GRAP2: variants seen among roughly 807,000 people sequenced by gnomAD.
GRAP2 encodes the protein GRB2-related adapter protein 2.
In GRAP2, 31 loss-of-function variants were observed where a neutral mutation model predicts 43.5. The ratio of observed to expected loss-of-function variants is 0.71; its 90% CI spans 0.54 to 0.96. The LOEUF is 0.96. Among genes scored for constraint, GRAP2 ranks in the 40% least tolerant of loss-of-function variants. The probability of loss-of-function intolerance (pLI) is 0.00; values close to 1 mark genes in which losing one functional copy is unlikely to be tolerated. For missense variants in GRAP2, 371 were observed against 424.4 expected (o/e 0.87, Z 1.11); for synonymous variants, 156 against 164.8 (o/e 0.95, Z 0.41).
intron 1 of GRAP2, among the ~76,000 whole-genome samples, chr22:39,927,713 G>A (rs1001833707): frequency 1.3e-5 from 2 of 151,906 alleles, no homozygotes; most frequent in South Asian, 2.1e-4. Context: ...GGCCATTTCC[G>A]GGGCCAAGTT....
At chr22:39,933,749 G>A (rs570923403) in intron 1 of GRAP2, among the ~76,000 whole-genome samples, 2 of 151,974 alleles carry the variant, frequency 1.3e-5, no homozygotes, top group East Asian at 3.9e-4. Context: ...GCTGAGGCAG[G>A]AGAATCTCTT....
chr22:39,968,888 A>G (rs570599361), intron 6 of GRAP2, among the ~76,000 whole-genome samples: 2 of 152,226 alleles, frequency 1.3e-5, no homozygotes, highest in East Asian at 3.9e-4. Flanking sequence ...AGTTACCCGA[A>G]TGGTCCATTG....
At chr22:39,915,406 C>T (rs2066596020) in intron 1 of GRAP2, among the ~76,000 whole-genome samples, 1 of 151,514 alleles carries the variant, frequency 6.6e-6, no homozygotes, top group Non-Finnish European at 1.5e-5. Flanking sequence ...CCTTGCTCCA[C>T]CTTCTGCTTT....
chr22:39,958,726 C>A (rs528395986), intron 3 of GRAP2, among the ~76,000 whole-genome samples: 2 of 152,314 alleles, frequency 1.3e-5, no homozygotes, highest in South Asian at 4.1e-4. Flanking sequence ...GTTTCCTTTG[C>A]GATATGGCTG....
chr22:39,940,387 T>G (rs558845926), intron 1 of GRAP2, among the ~76,000 whole-genome samples: 99 of 151,290 alleles, frequency 6.5e-4, no homozygotes, highest in South Asian at 3.8e-3. Flanking sequence ...TTGTTTGTTT[T>G]TTTTTTTTTT....
At chr22:39,925,662 C>T (rs868571750) in intron 1 of GRAP2, among the ~76,000 whole-genome samples, 2 of 152,200 alleles carry the variant, frequency 1.3e-5, no homozygotes, top group African/African-American at 2.4e-5. Context: ...TTGAGGTGTG[C>T]GTGTGCCAAT....
Position 39,969,541 on chromosome 22 carries a change from A to T in GRAP2, c.813+8A>T. 1 of 1,613,610 alleles carries T rather than the reference A, an allele frequency of 6.2e-7. No homozygotes were observed. Among genetic ancestry groups the T allele is most frequent in the Non-Finnish European group, 8.5e-7 (1 of 1,179,654 alleles). On this transcript the variant is annotated splice_region_variant and intron_variant, in intron 7 of 7. Coordinates refer to ENST00000344138, the MANE Select transcript of GRAP2 (RefSeq NM_004810.4). ...CAGCTCCAGGCGGCAGGGGTATGGG[A>T]ACTGTCCTTCTCTGGGATCCCTGGG...
At chr22:39,962,282 T>G (rs2067127594) in intron 4 of GRAP2, among the ~76,000 whole-genome samples, 1 of 152,006 alleles carries the variant, frequency 6.6e-6, no homozygotes, top group African/African-American at 2.4e-5. Flanking sequence ...ATTAACCCAG[T>G]GCAGTGGCGC....
intron 1 of GRAP2, among the ~76,000 whole-genome samples, chr22:39,939,841 G>A: frequency 6.6e-6 from 1 of 152,102 alleles, no homozygotes; most frequent in Non-Finnish European, 1.5e-5. Flanking sequence ...CCTGGGAGGT[G>A]GAGGTTGCAG....
chr22:39,942,047 C>T (rs2145626920), intron 1 of GRAP2, among the ~76,000 whole-genome samples: 2 of 152,250 alleles, frequency 1.3e-5, no homozygotes, highest in Middle Eastern at 6.8e-3. Flanking sequence ...ATTTGCATAA[C>T]AAATTTTCCT....
At chr22:39,956,626 A>G (rs1601732064) in intron 3 of GRAP2, among the ~76,000 whole-genome samples, 2 of 150,508 alleles carry the variant, frequency 1.3e-5, no homozygotes, top group East Asian at 4.3e-4. Context: ...ATGCCACCAC[A>G]CCCAGCTAAC....
intron 1 of GRAP2, chr22:39,926,929 C>T (rs1569198346): frequency 2.6e-6 from 2 of 778,938 alleles, no homozygotes; most frequent in Non-Finnish European, 3.1e-6. Flanking sequence ...AGCTGCCACC[C>T]ACTGCCTGGC....
At chr22:39,912,821 TC>T (rs1354453088) in intron 1 of GRAP2, among the ~76,000 whole-genome samples, 1 of 151,370 alleles carries the variant, frequency 6.6e-6, no homozygotes, top group Non-Finnish European at 1.5e-5. Flanking sequence ...GAATGGAAAA[TC>T]CAGCCACAGA....
At chr22:39,949,249 A>G (rs1054702461) in intron 2 of GRAP2, among the ~76,000 whole-genome samples, 1 of 152,058 alleles carries the variant, frequency 6.6e-6, no homozygotes, top group South Asian at 2.1e-4. Flanking sequence ...ATTATCATCA[A>G]TGCCTCCTTT....
chr22:39,963,729 C>T (rs554041974), intron 4 of GRAP2, among the ~76,000 whole-genome samples: 5 of 152,280 alleles, frequency 3.3e-5, no homozygotes, highest in African/African-American at 1.2e-4. Flanking sequence ...CCCTAAGAAA[C>T]CTCCATGGTC....
intron 2 of GRAP2, among the ~76,000 whole-genome samples, chr22:39,951,510 T>C (rs2066981966): frequency 6.6e-6 from 1 of 152,204 alleles, no homozygotes; most frequent in Admixed American, 6.5e-5. Flanking sequence ...ATTTAAAAAT[T>C]CTTCCAGCCG....
upstream of GRAP2, among the ~76,000 whole-genome samples, chr22:39,900,470 TA>T (rs896936108): frequency 1.0e-3 from 157 of 152,246 alleles, 2 homozygotes; most frequent in Middle Eastern, 0.014. Context: ...GCAGTTGATA[TA>T]GGGGGAAGGG....
intron 1 of GRAP2, among the ~76,000 whole-genome samples, chr22:39,935,210 C>T (rs1488957962): frequency 6.6e-6 from 1 of 152,100 alleles, no homozygotes; most frequent in Non-Finnish European, 1.5e-5. Flanking sequence ...TTCTTTCATT[C>T]TTTCTTTTTC....
chr22:39,960,981 T>C (rs187826840), intron 4 of GRAP2: 2 of 143,434 alleles, frequency 1.4e-5, no homozygotes, highest in Admixed American at 1.4e-4. Flanking sequence ...TGGAGACAGC[T>C]GTTGCCCAGG....
Sources: gnomAD v4.1 joint callset for allele counts (sites outside exome capture counted in the v4.1 genomes callset) on GRCh38, gnomAD v4.1.1 for gene constraint, MANE v1.5 for transcripts, NCBI Gene and HGNC (gene_info 2026-07-23, HGNC 2026-07-21) for gene names.